The following FREM2 variants were observed in gnomAD, a reference collection of about 807,000 sequenced individuals.
FREM2 encodes FRAS1-related extracellular matrix protein 2.
FREM2 carries 119 observed loss-of-function variants against 219.9 expected under a neutral mutation model. The ratio of observed to expected loss-of-function variants is 0.54; its 90% CI spans 0.47 to 0.63. FREM2 has a LOEUF of 0.63. FREM2 is among the 30% of genes least tolerant of loss of function. The pLI is 0.00. For missense variants in FREM2, 4,030 were observed against 3,993.6 expected (o/e 1.01, Z -0.25); for synonymous variants, 1,562 against 1,522.8 (o/e 1.03, Z -0.60).
At chr13:38,728,899 G>A (rs1439147021) in intron 2 of FREM2, among the ~76,000 whole-genome samples, 3 of 152,060 alleles carry the variant, frequency 2.0e-5, no homozygotes, top group African/African-American at 4.8e-5. Flanking sequence ...GCAATGGCAC[G>A]ATCTTGGCTC....
chr13:38,814,541 C>A (rs1345556645), intron 6 of FREM2, among the ~76,000 whole-genome samples: 2 of 152,068 alleles, frequency 1.3e-5, no homozygotes, highest in African/African-American at 4.8e-5. Flanking sequence ...CCACCTGGAA[C>A]CTGGGGTGTG....
Position 38,692,363 on chromosome 13 carries a change from C to G in FREM2, c.5019C>G (p.Gly1673=). 6.2e-7 allele frequency: 1 copy of G among 1,605,732 alleles called. No individual in the cohort carries two copies. Among genetic ancestry groups the G allele is most frequent in the Non-Finnish European group, 8.5e-7 (1 of 1,175,234 alleles). The change falls in exon 1 of 24, where the codon GGC becomes GGG. Residue 1673 remains glycine, a synonymous_variant. Coordinates refer to ENST00000280481, the MANE Select transcript of FREM2 (RefSeq NM_207361.6). The stretch of plus-strand genomic sequence containing the variant: ...CTACACTTCGCACTCTAGCCACTGG[C>G]CACTTGGGGTTCATGATCACAAGCA... ...GASTLRTLAT[G]HLGFMITSKI...
chr13:38,878,629 A>G (rs978984536), intron 22 of FREM2, among the ~76,000 whole-genome samples: 8 of 151,982 alleles, frequency 5.3e-5, no homozygotes, highest in African/African-American at 1.4e-4. Context: ...TGATCATGCT[A>G]CTGCACTCTA....
At chr13:38,852,731 G>C (rs1262408864) in intron 11 of FREM2, among the ~76,000 whole-genome samples, 5 of 145,128 alleles carry the variant, frequency 3.4e-5, no homozygotes, top group Non-Finnish European at 4.5e-5. Flanking sequence ...TTGAGACAGA[G>C]TCTCACGCTG....
At chr13:38,864,098 G>A (rs1417519857) in intron 15 of FREM2, among the ~76,000 whole-genome samples, 177 bp from the exon 16 acceptor site, 1 of 150,538 alleles carries the variant, frequency 6.6e-6, no homozygotes, top group Non-Finnish European at 1.5e-5. Flanking sequence ...CAAAGTGCCG[G>A]GATTACAGGC....
Position 38,795,770 on chromosome 13 carries a change from T to A in FREM2, c.6019+10962T>A, listed in dbSNP as rs1404929897. ...TCCACATACCCTTCCCAACCTCTGG[T>A]ATCTATCATTCTATTCTCTGTCTCA... On this transcript the variant is annotated intron_variant, in intron 6 of 23. Coordinates refer to ENST00000280481, the MANE Select transcript of FREM2 (RefSeq NM_207361.6). Among the ~76,000 whole-genome samples, 5 of 152,158 alleles carry A rather than the reference T, an allele frequency of 3.3e-5. No individual in the cohort carries two copies. In the East Asian group the frequency reaches 7.7e-4, roughly 23 times the overall value.
intron 6 of FREM2, among the ~76,000 whole-genome samples, chr13:38,801,383 TTGAAGATTTCTTTC>T (rs1344620837): frequency 6.6e-6 from 1 of 152,212 alleles, no homozygotes; most frequent in East Asian, 1.9e-4. Flanking sequence ...TCATGCTTAT[TTGAAGATTTCTTTC>T]CATGCTTTTT....
intron 6 of FREM2, among the ~76,000 whole-genome samples, chr13:38,804,277 G>A (rs1372572076): frequency 6.6e-6 from 1 of 151,526 alleles, no homozygotes; most frequent in Non-Finnish European, 1.5e-5. Flanking sequence ...CAAAGTGAAA[G>A]CATTCCAGGG....
chr13:38,814,233 G>A (rs1448073034), intron 6 of FREM2, among the ~76,000 whole-genome samples: 1 of 152,098 alleles, frequency 6.6e-6, no homozygotes, highest in Non-Finnish European at 1.5e-5. Flanking sequence ...TTGTTTTCCT[G>A]GATGGTATTG....
At chr13:38,775,088 A>G (rs1433281206) in intron 4 of FREM2, among the ~76,000 whole-genome samples, 1 of 152,260 alleles carries the variant, frequency 6.6e-6, no homozygotes, top group Non-Finnish European at 1.5e-5. Context: ...TTAAAAACCT[A>G]ATATTAATGA....
Position 38,864,497 on chromosome 13 carries a change from G to A in FREM2, c.7874G>A (p.Arg2625His), listed in dbSNP as rs765507407. The A allele has an allele frequency of 1.1e-5, 18 of 1,613,996 alleles. 1 individual carries two copies. Among genetic ancestry groups the A allele is most frequent in the East Asian group, 8.9e-5 (4 of 44,894 alleles). The stretch of plus-strand genomic sequence containing the variant: ...TCCATCAGAGGTTCCACTACCTTGC[G>A]CTTCTACCGGAACCTGAACCTAGAG... ...SLSIRGSTTL[R>H]FYRNLNLEAC... The change falls in exon 16 of 24, where the codon CGC (arginine) becomes CAC (histidine). Residue 2625 changes from arginine (R) to histidine (H), a missense_variant. Physicochemically the swap from Arg to His is conservative, Grantham distance 29. Transcript: ENST00000280481.
intron 2 of FREM2, among the ~76,000 whole-genome samples, chr13:38,713,612 C>T (rs747206960): frequency 1.5e-4 from 23 of 152,138 alleles, no homozygotes; most frequent in South Asian, 4.1e-4. Flanking sequence ...TGTGATTTAT[C>T]GGTATTCTCT....
intron 11 of FREM2, among the ~76,000 whole-genome samples, chr13:38,855,616 A>G (rs1450399679): frequency 4.6e-5 from 7 of 152,184 alleles, no homozygotes; most frequent in Non-Finnish European, 8.8e-5. Flanking sequence ...ATTCTAAGTG[A>G]AGTAACTCAG....
chr13:38,860,421 G>A (rs532498141), intron 14 of FREM2, among the ~76,000 whole-genome samples: 10 of 152,212 alleles, frequency 6.6e-5, no homozygotes, highest in Non-Finnish European at 1.0e-4. Flanking sequence ...TCTTAAAAAC[G>A]GTTGTATATA....
At chr13:38,746,448 T>C (rs928007142) in intron 2 of FREM2, among the ~76,000 whole-genome samples, 1 of 152,136 alleles carries the variant, frequency 6.6e-6, no homozygotes, top group Non-Finnish European at 1.5e-5. Flanking sequence ...AAAGCACTTT[T>C]CTAAGCTGAA....
intron 16 of FREM2, among the ~76,000 whole-genome samples, chr13:38,870,096 C>T (rs1165549579): frequency 1.3e-5 from 2 of 152,042 alleles, no homozygotes. Flanking sequence ...AAATTTTTTT[C>T]TTAGTTGCTT....
At chr13:38,745,934 A>G (rs1286350339) in intron 2 of FREM2, among the ~76,000 whole-genome samples, 2 of 152,092 alleles carry the variant, frequency 1.3e-5, no homozygotes, top group African/African-American at 4.8e-5. Flanking sequence ...CCTGTGCTAA[A>G]TTCACATTCC....
Position 38,689,025 on chromosome 13 carries a change from C to T in FREM2, c.1681C>T (p.Pro561Ser). ...CTTAGTGCCTGTGGATGACCAGCCA[C>T]CTGTTCTCAATGCCAACACGGGGCT... is the stretch of plus-strand genomic sequence containing the variant. The part of the protein sequence containing the change: ...ITLVPVDDQP[P>S]VLNANTGLTL... Residue 561 changes from proline to serine, a missense_variant, in exon 1 of 24, where the codon CCT (proline) becomes TCT (serine). This residue lies in a region of FREM2 where 3,102 missense variants were observed against 2,950.7 expected (regional missense o/e 1.05). Coordinates refer to ENST00000280481, the MANE Select transcript of FREM2 (RefSeq NM_207361.6). The T allele has an allele frequency of 6.2e-7, 1 of 1,613,954 alleles. No homozygotes were observed. Among genetic ancestry groups the T allele is most frequent in the Non-Finnish European group, 8.5e-7 (1 of 1,179,894 alleles).
intron 2 of FREM2, among the ~76,000 whole-genome samples, chr13:38,742,363 T>C (rs1872282336): frequency 1.3e-5 from 2 of 152,306 alleles, no homozygotes; most frequent in South Asian, 4.1e-4. Flanking sequence ...ATTCCTCATA[T>C]AGAGAAATTA....
Sources: gnomAD v4.1 joint callset for allele counts (sites outside exome capture counted in the v4.1 genomes callset) on GRCh38, gnomAD v4.1.1 for gene constraint, gnomAD v4.1.1 regional missense constraint, MANE v1.5 for transcripts, NCBI Gene and HGNC (gene_info 2026-07-23, HGNC 2026-07-21) for gene names.